The following PHKB variants were observed in gnomAD, a reference collection of about 807,000 sequenced individuals.
PHKB encodes the protein phosphorylase b kinase regulatory subunit beta.
Under a neutral mutation model 152.1 loss-of-function variants are expected in PHKB, and 122 were observed. The ratio of observed to expected loss-of-function variants is 0.80; its 90% CI spans 0.69 to 0.93. PHKB has a LOEUF of 0.93. Among genes scored for constraint, PHKB ranks in the 40% least tolerant of loss-of-function variants. PHKB has a pLI of 0.00. For missense variants in PHKB, 1,304 were observed against 1,328.4 expected (o/e 0.98, Z 0.29); for synonymous variants, 436 against 464.9 (o/e 0.94, Z 0.80).
At chr16:47,476,044 T>C (rs1254263627) in intron 1 of PHKB, among the ~76,000 whole-genome samples, 1 of 152,104 alleles carries the variant, frequency 6.6e-6, no homozygotes, top group East Asian at 1.9e-4. Context: ...ATTTTTTTTT[T>C]CTTGTTTTAG....
At chr16:47,543,881 A>T (rs1217304200) in intron 6 of PHKB, among the ~76,000 whole-genome samples, 2 of 152,016 alleles carry the variant, frequency 1.3e-5, no homozygotes, top group Non-Finnish European at 2.9e-5. Flanking sequence ...CTATTCTTAC[A>T]TCTATTTTTT....
chr16:47,520,549 C>G (rs2151655124), intron 6 of PHKB, among the ~76,000 whole-genome samples: 1 of 152,244 alleles, frequency 6.6e-6, no homozygotes, highest in South Asian at 2.1e-4. Flanking sequence ...TTAACCTGTA[C>G]AGATATGAGT....
chr16:47,693,296 AC>A, intron 27 of PHKB, 81 bp from the exon 28 acceptor site: 1 of 1,402,622 alleles, frequency 7.1e-7, no homozygotes. Context: ...CCCTATCAGA[AC>A]AATTAGTTCA....
chr16:47,681,924 A>G (rs910862644), intron 26 of PHKB, among the ~76,000 whole-genome samples: 3 of 151,936 alleles, frequency 2.0e-5, no homozygotes, highest in Non-Finnish European at 2.9e-5. Context: ...GTTCCTTTCC[A>G]TGTTTAGTGC....
At chr16:47,534,153 A>G (rs1970911873) in intron 6 of PHKB, among the ~76,000 whole-genome samples, 1 of 152,188 alleles carries the variant, frequency 6.6e-6, no homozygotes, top group Admixed American at 6.5e-5. Context: ...GCCCGGGTGT[A>G]CCTACCTGCT....
chr16:47,663,659 C>G lies in PHKB; in HGVS notation c.2279-18C>G, dbSNP rs748007329. On this transcript the variant is annotated intron_variant, in intron 23 of 30. Transcript: ENST00000323584. Reference sequence around the variant, plus strand: ...TTAAAAGCTTTGTTCAACAAAGACTCTATTATCCAATGTCTAGGTACCGTT... The same window carrying G: ...TTAAAAGCTTTGTTCAACAAAGACTGTATTATCCAATGTCTAGGTACCGTT... The G allele has an allele frequency of 6.2e-7, 1 of 1,605,450 alleles. No homozygotes were observed. Among genetic ancestry groups the G allele is most frequent in the Non-Finnish European group, 8.5e-7 (1 of 1,172,476 alleles).
chr16:47,530,828 A>G (rs1305972864), intron 6 of PHKB, among the ~76,000 whole-genome samples: 1 of 152,234 alleles, frequency 6.6e-6, no homozygotes, highest in Non-Finnish European at 1.5e-5. Context: ...AGCATAAATA[A>G]TGTCAATACA....
chr16:47,552,075 C>T (rs996129505), intron 7 of PHKB, among the ~76,000 whole-genome samples: 1 of 152,030 alleles, frequency 6.6e-6, no homozygotes, highest in Non-Finnish European at 1.5e-5. Flanking sequence ...TTGGTAAATA[C>T]TCCTCCATCC....
intron 27 of PHKB, among the ~76,000 whole-genome samples, chr16:47,689,718 A>G (rs1974026965): frequency 6.6e-6 from 1 of 152,258 alleles, no homozygotes; most frequent in African/African-American, 2.4e-5. Context: ...TATTTAGGAA[A>G]GTATTTATTG....
chr16:47,653,443 G>A (rs1567342817), intron 20 of PHKB, among the ~76,000 whole-genome samples: 2 of 152,306 alleles, frequency 1.3e-5, no homozygotes, highest in Non-Finnish European at 2.9e-5. Context: ...TTCCTATGTG[G>A]AGCGTCTGTG....
intron 6 of PHKB, among the ~76,000 whole-genome samples, chr16:47,517,476 C>T (rs905132888): frequency 2.0e-5 from 3 of 151,984 alleles, no homozygotes; most frequent in Non-Finnish European, 2.9e-5. Flanking sequence ...AGGCTGTTCT[C>T]GATCTCCTGG....
At chr16:47,648,446 G>T in intron 16 of PHKB, 87 bp from the exon 17 acceptor site, 2 of 959,546 alleles carry the variant, frequency 2.1e-6, no homozygotes, top group Non-Finnish European at 3.4e-6. Context: ...TCTCTGGAAA[G>T]ATCAAAAATT....
At chr16:47,518,974 C>G (rs150439055) in intron 6 of PHKB, among the ~76,000 whole-genome samples, 1 of 152,066 alleles carries the variant, frequency 6.6e-6, no homozygotes, top group Admixed American at 6.6e-5. Context: ...GAGAAACTTA[C>G]TTCATTTAAA....
chr16:47,598,403 T>G (rs1193238787), intron 13 of PHKB, among the ~76,000 whole-genome samples: 2 of 152,210 alleles, frequency 1.3e-5, no homozygotes, highest in African/African-American at 2.4e-5. Context: ...TCTTTAATAA[T>G]TTTCAAATCT....
chr16:47,624,993 A>G (rs1286962261), intron 14 of PHKB, among the ~76,000 whole-genome samples: 2 of 152,236 alleles, frequency 1.3e-5, no homozygotes, highest in East Asian at 1.9e-4. Context: ...CTGTAAAAGC[A>G]TAGAATTAAT....
Position 47,587,288 on chromosome 16 carries a change from A to G in PHKB, c.775-380A>G, listed in dbSNP as rs1971950790. Among the ~76,000 whole-genome samples, 3 of 152,284 alleles carry G rather than the reference A, an allele frequency of 2.0e-5. No homozygotes were observed. The South Asian group carries it at 6.2e-4, about 32-fold the overall frequency. ...TTTGTTTAGTTTGATCATATAGTCA[A>G]TATTTATGAGGAATGTACAACTCGG... On this transcript the variant is annotated intron_variant, in intron 8 of 30. Coordinates refer to ENST00000323584, the MANE Select transcript of PHKB (RefSeq NM_000293.3).
intron 6 of PHKB, among the ~76,000 whole-genome samples, chr16:47,525,598 CT>C (rs1970752362): frequency 1.3e-5 from 2 of 152,276 alleles, no homozygotes; most frequent in South Asian, 4.1e-4. Context: ...CCTAAATGAC[CT>C]TATGGTGTTA....
chr16:47,494,277 A>G (rs575331685), intron 1 of PHKB, among the ~76,000 whole-genome samples: 1 of 152,242 alleles, frequency 6.6e-6, no homozygotes, highest in East Asian at 1.9e-4. Context: ...GGAAGCATAG[A>G]TAGAAGCTGC....
intron 13 of PHKB, among the ~76,000 whole-genome samples, chr16:47,609,061 G>A (rs1440696016): frequency 1.3e-5 from 2 of 152,018 alleles, no homozygotes; most frequent in Non-Finnish European, 1.5e-5. Flanking sequence ...CCCTTTATTA[G>A]GTTGAATACA....
Sources: gnomAD v4.1 joint callset for allele counts (sites outside exome capture counted in the v4.1 genomes callset) on GRCh38, gnomAD v4.1.1 for gene constraint, MANE v1.5 for transcripts, NCBI Gene and HGNC (gene_info 2026-07-23, HGNC 2026-07-21) for gene names.